Variants in RNFT2 observed in about 807,000 individuals in gnomAD.
The protein encoded by RNFT2 is E3 ubiquitin-protein ligase RNFT2.
RNFT2 carries 36 observed loss-of-function variants against 53.0 expected under a neutral mutation model. The observed-to-expected ratio is 0.68, with a 90% CI of 0.52 to 0.90. The LOEUF (loss-of-function observed/expected upper bound fraction) is 0.90, where lower values mean the gene tolerates loss of function less well. Ranked by LOEUF, RNFT2 falls within the 40% of genes least tolerant of loss-of-function variation. The pLI is 0.00. For synonymous variants in RNFT2, 260 were observed against 253.2 expected (o/e 1.03, Z -0.26); for missense variants, 514 against 585.6 (o/e 0.88, Z 1.26).
chr12:116,748,354 A>G (rs923960290), intron 3 of RNFT2, among the ~76,000 whole-genome samples: 1 of 152,204 alleles, frequency 6.6e-6, no homozygotes, highest in Non-Finnish European at 1.5e-5. Flanking sequence ...GAGCTACAGA[A>G]TCCTTTGCCT....
chr12:116,794,095 T>C (rs1308814712), intron 7 of RNFT2, among the ~76,000 whole-genome samples: 1 of 151,418 alleles, frequency 6.6e-6, no homozygotes, highest in African/African-American at 2.4e-5. Context: ...TGAGACCCTG[T>C]CTCTATAAAA....
chr12:116,830,536 C>T (rs1876586820), intron 7 of RNFT2, among the ~76,000 whole-genome samples: 1 of 152,156 alleles, frequency 6.6e-6, no homozygotes, highest in African/African-American at 2.4e-5. Context: ...GATCCTCCCA[C>T]CTTAGCCTCC....
At chr12:116,769,616 G>T (rs1009966319) in intron 6 of RNFT2, among the ~76,000 whole-genome samples, 2 of 152,184 alleles carry the variant, frequency 1.3e-5, no homozygotes, top group Non-Finnish European at 2.9e-5. Flanking sequence ...CTGTACAGCT[G>T]TACAATCTGT....
Position 116,849,489 on chromosome 12 carries a change from G to T in RNFT2, c.*41G>T. 1 of 1,551,654 alleles carries T rather than the reference G, an allele frequency of 6.4e-7. No individual in the cohort carries two copies. On this transcript the variant is annotated 3_prime_UTR_variant, in exon 11 of 11. Transcript: ENST00000257575. Reference sequence around the variant, plus strand: ...ACACCCAGAAGGACGCCAAGGGTCAGCATGCCCGGACCCAGCCCTGCGGGG... The same window carrying T: ...ACACCCAGAAGGACGCCAAGGGTCATCATGCCCGGACCCAGCCCTGCGGGG...
chr12:116,806,391 TATATATATAGATAG>T (rs1875071006), intron 7 of RNFT2, among the ~76,000 whole-genome samples: 1 of 137,190 alleles, frequency 7.3e-6, no homozygotes. Context: ...AATATATATA[TATATATATAGATAG>T]ATAGATAGAT....
chr12:116,762,671 C>A (rs1463935627), intron 5 of RNFT2, among the ~76,000 whole-genome samples: 1 of 151,656 alleles, frequency 6.6e-6, no homozygotes. Flanking sequence ...CCTCTGCCTC[C>A]CAAGTAGCGA....
Position 116,850,620 on chromosome 12 carries a change from CTTTTT to C in RNFT2, c.*1185_*1189del. 7.7e-6 allele frequency: 1 copy of C among 129,638 alleles called. No homozygotes were observed. The highest frequency in any genetic ancestry group is 1.6e-5 in the Non-Finnish European group (1 of 60,864). 8.0% of individuals were successfully genotyped at this position (129,638 alleles called of 1,614,324 possible). On this transcript the variant is annotated 3_prime_UTR_variant, in exon 11 of 11. Coordinates refer to ENST00000257575, the MANE Select transcript of RNFT2 (RefSeq NM_001382266.1). Reference sequence around the variant, plus strand: ...TGTGAAGTATTTTTTCTTTTCTTTTCTTTTTTTTTTTTTTTTTGTTGTTGTGAGAC... The same window carrying C: ...TGTGAAGTATTTTTTCTTTTCTTTTCTTTTTTTTTTTTGTTGTTGTGAGAC...
In RNFT2 at chr12:116,833,871, T is replaced by C. The variant is rs1876817697; in HGVS notation, c.962T>C (p.Ile321Thr). ...LVPIQLWYKY[I>T]MGDDSSNSYF... ...CCCATCCAGCTGTGGTACAAATACA[T>C]CATGGGTGACGACTCCTCCAACAGC... Residue 321 changes from isoleucine (I) to threonine (T), a missense_variant, in exon 8 of 11, where the codon ATC becomes ACC. Transcript: ENST00000257575. 2 of 1,613,342 alleles carry C rather than the reference T, an allele frequency of 1.2e-6. No homozygotes were observed. Among genetic ancestry groups the C allele is most frequent in the East Asian group, 4.5e-5 (2 of 44,786 alleles).
At chr12:116,848,181 C>T (rs1333867464) in intron 10 of RNFT2, among the ~76,000 whole-genome samples, 1 of 152,128 alleles carries the variant, frequency 6.6e-6, no homozygotes, top group Non-Finnish European at 1.5e-5. Flanking sequence ...TGATCTCGTT[C>T]CTTTTTATGG....
chr12:116,759,219 T>G (rs930307334), intron 5 of RNFT2, among the ~76,000 whole-genome samples: 1 of 152,230 alleles, frequency 6.6e-6, no homozygotes, highest in African/African-American at 2.4e-5. Context: ...TTAATAGTTT[T>G]TTCTTTAAGC....
chr12:116,848,249 A>G (rs1357162241), intron 10 of RNFT2, among the ~76,000 whole-genome samples: 1 of 152,168 alleles, frequency 6.6e-6, no homozygotes, highest in Admixed American at 6.5e-5. Context: ...TCTATCATTG[A>G]TAAGCATTTG....
At chr12:116,807,394 C>T (rs553161358) in intron 7 of RNFT2, among the ~76,000 whole-genome samples, 2 of 152,116 alleles carry the variant, frequency 1.3e-5, no homozygotes, top group Non-Finnish European at 2.9e-5. Context: ...TCCAGTGTCC[C>T]TAGTACTGGT....
At chr12:116,794,717 GAAATGAATTACTCTTAGCCC>G (rs1874425039) in intron 7 of RNFT2, among the ~76,000 whole-genome samples, 1 of 147,376 alleles carries the variant, frequency 6.8e-6, no homozygotes, top group Non-Finnish European at 1.5e-5. Context: ...AAGAAAGAAA[GAAATGAATTACTCTTAGCCC>G]AAGATCCCAG....
intron 7 of RNFT2, among the ~76,000 whole-genome samples, chr12:116,784,622 A>G (rs967445156): frequency 3.9e-5 from 6 of 152,138 alleles, no homozygotes; most frequent in African/African-American, 1.2e-4. Flanking sequence ...TCATTGTTCT[A>G]GATCTCAGAG....
At chr12:116,757,547 T>C (rs986108988) in intron 5 of RNFT2, among the ~76,000 whole-genome samples, 3 of 152,176 alleles carry the variant, frequency 2.0e-5, no homozygotes, top group Non-Finnish European at 2.9e-5. Flanking sequence ...GTTTGAAGAA[T>C]TTTTTAATTT....
chr12:116,786,818 C>T (rs909568244), intron 7 of RNFT2, among the ~76,000 whole-genome samples: 8 of 152,190 alleles, frequency 5.3e-5, no homozygotes, highest in Non-Finnish European at 1.2e-4. Context: ...GCACTGCCTC[C>T]GGAGGCTCAA....
At chr12:116,833,688 C>T in intron 7 of RNFT2, 104 bp from the exon 8 acceptor site, 1 of 1,164,476 alleles carries the variant, frequency 8.6e-7, no homozygotes, top group Non-Finnish European at 1.2e-6. Context: ...TAATGGCCTG[C>T]CTGTGACCTA....
intron 3 of RNFT2, among the ~76,000 whole-genome samples, chr12:116,748,084 G>A (rs895008790): frequency 6.6e-6 from 1 of 152,102 alleles, no homozygotes; most frequent in African/African-American, 2.4e-5. Flanking sequence ...CAGCTACTCG[G>A]GAGGCTGAGG....
chr12:116,809,829 C>T (rs1045282995), intron 7 of RNFT2, among the ~76,000 whole-genome samples: 7 of 152,080 alleles, frequency 4.6e-5, no homozygotes, highest in Non-Finnish European at 7.3e-5. Flanking sequence ...CCCACCACCA[C>T]GCTCAGCTAA....
Sources: allele counts gnomAD v4.1 joint callset (sites outside exome capture counted in the v4.1 genomes callset), GRCh38; gene constraint gnomAD v4.1.1; transcripts MANE v1.5; gene names NCBI Gene and HGNC (gene_info 2026-07-23, HGNC 2026-07-21).